Variants in C1orf21 observed in about 807,000 individuals in gnomAD.
C1orf21 encodes uncharacterized protein C1orf21.
A neutral mutation model predicts 18.7 loss-of-function variants in C1orf21; 3 were observed. The ratio of observed to expected loss-of-function variants is 0.16; its 90% CI spans 0.07 to 0.42. The LOEUF (loss-of-function observed/expected upper bound fraction) is 0.42, where lower values mean the gene tolerates loss of function less well. Ranked by LOEUF, C1orf21 falls within the 10% of genes least tolerant of loss-of-function variation. C1orf21 has a pLI of 0.99. For synonymous variants in C1orf21, 41 were observed against 46.4 expected (o/e 0.88, Z 0.47); for missense variants, 104 against 143.6 (o/e 0.72, Z 1.41).
intron 2 of C1orf21, among the ~76,000 whole-genome samples, chr1:184,489,017 G>A (rs1657775479): frequency 3.3e-5 from 5 of 152,076 alleles, no homozygotes; most frequent in Admixed American, 2.6e-4. Context: ...ACGCAAGTGA[G>A]TATATTTATA....
intron 2 of C1orf21, among the ~76,000 whole-genome samples, chr1:184,504,177 A>G (rs1462037747): frequency 6.6e-6 from 1 of 152,198 alleles, no homozygotes; most frequent in Non-Finnish European, 1.5e-5. Flanking sequence ...GTTTACATGC[A>G]GAGAACAGGA....
intron 4 of C1orf21, 48 bp downstream of exon 4, chr1:184,590,863 A>T: frequency 6.8e-7 from 1 of 1,462,876 alleles, no homozygotes. Context: ...TTCCATATCC[A>T]TGGATTCTGC....
At chr1:184,468,812 A>G (rs1188352949) in intron 1 of C1orf21, among the ~76,000 whole-genome samples, 1 of 152,094 alleles carries the variant, frequency 6.6e-6, no homozygotes, top group East Asian at 1.9e-4. Context: ...CCAGCTACTC[A>G]GGAGGCTGAG....
rs761231576 is a variant in C1orf21 at position 184,477,408 on chromosome 1, A to C, written c.-102A>C. 5 of 906,866 alleles carry C rather than the reference A, an allele frequency of 5.5e-6. No homozygotes were observed. Among genetic ancestry groups the C allele is most frequent in the Non-Finnish European group, 8.5e-6 (5 of 589,060 alleles). The allele number at this position is 906,866 out of a possible 1,614,324, so 56.2% of individuals were successfully genotyped here. ...CAGGTGCACACATCTTGACCAACTC[A>C]GCAGCAAGGTGGATTTTCTTTGTGT... is the stretch of plus-strand genomic sequence containing the variant. On this transcript the variant is annotated 5_prime_UTR_variant, in exon 2 of 6. Coordinates refer to ENST00000235307, the MANE Select transcript of C1orf21 (RefSeq NM_030806.4).
intron 1 of C1orf21, among the ~76,000 whole-genome samples, chr1:184,462,161 G>A (rs918172363): frequency 6.6e-6 from 1 of 152,098 alleles, no homozygotes. Flanking sequence ...TTCCTCATTC[G>A]ATGGACCACA....
At position 184,471,470 on chromosome 1, in the gene C1orf21, T is replaced by G. The variant is rs186817968; in HGVS notation, c.-124-5916T>G. Among the ~76,000 whole-genome samples the G allele has an allele frequency of 4.6e-5, 7 of 152,228 alleles. No homozygotes were observed. In the East Asian group the frequency reaches 1.4e-3, roughly 30 times the overall value. On this transcript the variant is annotated intron_variant, in intron 1 of 5. Transcript: ENST00000235307. ...ACATGGCTTTTTTTTAAGTGGTCAT[T>G]TCATCCTTTATATCACTACTTGGAC...
intron 1 of C1orf21, among the ~76,000 whole-genome samples, chr1:184,390,304 G>T (rs186599759): frequency 6.6e-6 from 1 of 152,174 alleles, no homozygotes; most frequent in Admixed American, 6.5e-5. Context: ...GAATCCAGAC[G>T]CATCAAAGAG....
intron 1 of C1orf21, 117 bp from the exon 2 acceptor site, chr1:184,477,269 G>A (rs890925197): frequency 2.4e-5 from 10 of 409,044 alleles, no homozygotes; most frequent in Admixed American, 8.5e-5. Context: ...ACACCAGTGC[G>A]ATGGGTGGGT....
intron 3 of C1orf21, among the ~76,000 whole-genome samples, chr1:184,520,648 GTAAACCACCCATAGC>G (rs1239051080): frequency 6.6e-6 from 1 of 152,114 alleles, no homozygotes; most frequent in East Asian, 1.9e-4. Flanking sequence ...GTGAGACAAA[GTAAACCACCCATAGC>G]TAATGGATTG....
Position 184,619,425 on chromosome 1 carries a change from A to G in C1orf21, c.328-93A>G, listed in dbSNP as rs527533805. 7.5e-6 allele frequency: 10 copies of G among 1,331,978 alleles called. No individual in the cohort carries two copies. In the African/African-American group the frequency reaches 8.8e-5, roughly 12 times the overall value. The allele number at this position is 1,331,978 out of a possible 1,614,324, so 82.5% of individuals were successfully genotyped here. A position where few individuals can be genotyped will look rare whatever the true frequency, so the allele number is the denominator to read the frequency against. ...AAAGCCTGGATTCTGTTGCAAGGAG[A>G]CATATATTGAGAGAAAATTGATTAC... is the stretch of plus-strand genomic sequence containing the variant. On this transcript the variant is annotated intron_variant, in intron 5 of 5. Transcript: ENST00000235307.
chr1:184,456,340 T>C (rs1049135578), intron 1 of C1orf21, among the ~76,000 whole-genome samples: 12 of 152,234 alleles, frequency 7.9e-5, no homozygotes, highest in Non-Finnish European at 1.5e-5. Flanking sequence ...AGAGTATATA[T>C]ACTGAAACCC....
At chr1:184,571,069 G>A (rs1459440783) in intron 3 of C1orf21, among the ~76,000 whole-genome samples, 4 of 152,150 alleles carry the variant, frequency 2.6e-5, no homozygotes, top group South Asian at 2.1e-4. Flanking sequence ...CGAGGCGGGC[G>A]GATCACGAGG....
rs1659927021 is a variant in C1orf21 at position 184,622,173 on chromosome 1, G to T, written c.*2617G>T. 1 of 152,228 alleles carries T rather than the reference G, an allele frequency of 6.6e-6. No individual in the cohort carries two copies. The highest frequency in any genetic ancestry group is 2.4e-5 in the African/African-American group (1 of 41,452). The allele number at this position is 152,228 out of a possible 1,614,324, so 9.4% of individuals were successfully genotyped here. ...AGGATAATCCAATGTACGTGCTGGT[G>T]CACTCTGCTAGTTGTTATCTCTGTA... On this transcript the variant is annotated 3_prime_UTR_variant, in exon 6 of 6. Transcript: ENST00000235307.
chr1:184,580,411 T>G (rs1659259847), intron 3 of C1orf21, among the ~76,000 whole-genome samples: 1 of 152,240 alleles, frequency 6.6e-6, no homozygotes, highest in Admixed American at 6.5e-5. Context: ...GAACTTGAAT[T>G]TTTTAGTCAG....
In C1orf21 at chr1:184,600,166, G is replaced by GTT. The variant is rs573987191; in HGVS notation, c.327+1714_327+1715dup. Among the ~76,000 whole-genome samples the GTT allele has an allele frequency of 7.7e-4, 114 of 148,594 alleles. 7 individuals are homozygous for GTT. Among genetic ancestry groups the GTT allele is most frequent in the Non-Finnish European group, 1.5e-5 (1 of 66,840 alleles). On this transcript the variant is annotated intron_variant, in intron 5 of 5. Transcript: ENST00000235307. The stretch of plus-strand genomic sequence containing the variant: ...ATGATATAATCTATATCCAATGTGG[G>GTT]TTTTTTTTTTCTTTTTTTTGAGACG...
At position 184,624,930 on chromosome 1, in the gene C1orf21, A is replaced by G. The variant is rs981740160; in HGVS notation, c.*5374A>G. ...ACCTTTACTTACTTTGCTCGAAGGA[A>G]CCAAAACAATGTCCTTGTGTAAAGG... On this transcript the variant is annotated 3_prime_UTR_variant, in exon 6 of 6. Coordinates refer to ENST00000235307, the MANE Select transcript of C1orf21 (RefSeq NM_030806.4). The G allele has an allele frequency of 2.0e-5, 3 of 152,198 alleles. No homozygotes were observed. Among genetic ancestry groups the G allele is most frequent in the African/African-American group, 7.2e-5 (3 of 41,446 alleles). 9.4% of individuals were successfully genotyped at this position (152,198 alleles called of 1,614,324 possible). A position where few individuals can be genotyped will look rare whatever the true frequency, so the allele number is the denominator to read the frequency against.
At chr1:184,523,347 C>T (rs1658332712) in intron 3 of C1orf21, among the ~76,000 whole-genome samples, 1 of 152,096 alleles carries the variant, frequency 6.6e-6, no homozygotes, top group African/African-American at 2.4e-5. Context: ...CATTTTATCT[C>T]TGTGGTCTTC....
intron 1 of C1orf21, among the ~76,000 whole-genome samples, chr1:184,453,399 A>G (rs1657151919): frequency 6.6e-6 from 1 of 152,180 alleles, no homozygotes; most frequent in Non-Finnish European, 1.5e-5. Flanking sequence ...TTTTCATAAA[A>G]TTTTAGTTTG....
intron 3 of C1orf21, among the ~76,000 whole-genome samples, chr1:184,526,899 G>A (rs1380290596): frequency 6.6e-6 from 1 of 152,034 alleles, no homozygotes; most frequent in Non-Finnish European, 1.5e-5. Context: ...AGTAAAACCC[G>A]CAGTCCCGTC....
Sources: allele counts gnomAD v4.1 joint callset (sites outside exome capture counted in the v4.1 genomes callset), GRCh38; gene constraint gnomAD v4.1.1; transcripts MANE v1.5; gene names NCBI Gene and HGNC (gene_info 2026-07-23, HGNC 2026-07-21).